CNTNAP2: variants seen among roughly 807,000 people sequenced by gnomAD.
CNTNAP2 encodes the protein contactin associated protein 2, also known as contactin-associated protein-like 2.
A neutral mutation model predicts 155.2 loss-of-function variants in CNTNAP2; 98 were observed. That is an observed-to-expected ratio of 0.63 (90% CI 0.54 to 0.75). The LOEUF (loss-of-function observed/expected upper bound fraction) is 0.75, where lower values mean the gene tolerates loss of function less well. Ranked by LOEUF, CNTNAP2 falls within the 30% of genes least tolerant of loss-of-function variation. The probability of loss-of-function intolerance (pLI) is 0.00; values close to 1 mark genes in which losing one functional copy is unlikely to be tolerated. For missense variants in CNTNAP2, 1,727 were observed against 1,688.1 expected, an observed-to-expected ratio of 1.02 and a Z score of -0.40; for synonymous variants, 651 against 631.2, an observed-to-expected ratio of 1.03 and a Z score of -0.47.
At chr7:146,896,157 C>A (rs1255084347) in intron 3 of CNTNAP2, among the ~76,000 whole-genome samples, 4 of 152,034 alleles carry the variant, frequency 2.6e-5, no homozygotes, top group African/African-American at 7.2e-5. Context: ...GATGCAGAAT[C>A]ACATGAATCC....
chr7:147,883,293 A>G (rs759332801), intron 13 of CNTNAP2, among the ~76,000 whole-genome samples: 1 of 152,198 alleles, frequency 6.6e-6, no homozygotes, highest in Non-Finnish European at 1.5e-5. Context: ...TGTCAAAACA[A>G]GTCCCTGGTT....
intron 10 of CNTNAP2, among the ~76,000 whole-genome samples, chr7:147,469,180 G>T (rs776676236): frequency 1.1e-4 from 16 of 151,994 alleles, no homozygotes; most frequent in Non-Finnish European, 2.2e-4. Context: ...AAAACATGAA[G>T]CTCCTTTGCA....
intron 12 of CNTNAP2, among the ~76,000 whole-genome samples, chr7:147,614,897 T>C (rs549484016): frequency 6.6e-6 from 1 of 151,804 alleles, no homozygotes; most frequent in East Asian, 1.9e-4. Flanking sequence ...TTTTTAACAT[T>C]AAACTATCTT....
chr7:147,004,521 C>T (rs757996010), intron 3 of CNTNAP2, among the ~76,000 whole-genome samples: 9 of 151,814 alleles, frequency 5.9e-5, no homozygotes, highest in African/African-American at 1.9e-4. Flanking sequence ...TATAAATTTC[C>T]GGAATACCAA....
At chr7:146,565,380 A>G (rs149216753) in intron 1 of CNTNAP2, among the ~76,000 whole-genome samples, 7 of 152,192 alleles carry the variant, frequency 4.6e-5, no homozygotes, top group Non-Finnish European at 7.4e-5. Flanking sequence ...AAGTATATTC[A>G]TAGCCATTTT....
At chr7:148,222,598 A>T (rs1018661110) in intron 19 of CNTNAP2, among the ~76,000 whole-genome samples, 3 of 73,896 alleles carry the variant, frequency 4.1e-5, no homozygotes. Flanking sequence ...ATGAGGACAG[A>T]GTCCTCATGA....
chr7:146,505,022 A>G (rs1257900229), intron 1 of CNTNAP2, among the ~76,000 whole-genome samples: 1 of 152,176 alleles, frequency 6.6e-6, no homozygotes, highest in Non-Finnish European at 1.5e-5. Flanking sequence ...GTGTTCTCCC[A>G]CTAACGAGCC....
chr7:146,867,084 A>T (rs1283516441), intron 3 of CNTNAP2, among the ~76,000 whole-genome samples: 1 of 152,106 alleles, frequency 6.6e-6, no homozygotes, highest in Non-Finnish European at 1.5e-5. Flanking sequence ...CACGTGTCAC[A>T]GGGGTTTGCT....
At chr7:147,201,029 G>A (rs1422963638) in intron 8 of CNTNAP2, among the ~76,000 whole-genome samples, 1 of 152,108 alleles carries the variant, frequency 6.6e-6, no homozygotes, top group African/African-American at 2.4e-5. Flanking sequence ...AGAAACACTG[G>A]CTTAATCACC....
At chr7:147,821,412 C>T (rs961454216) in intron 13 of CNTNAP2, among the ~76,000 whole-genome samples, 1 of 152,042 alleles carries the variant, frequency 6.6e-6, no homozygotes. Flanking sequence ...ATACAGAAGG[C>T]AACAAGACTG....
chr7:148,389,145 C>T (rs1259487905), intron 22 of CNTNAP2, among the ~76,000 whole-genome samples: 2 of 152,180 alleles, frequency 1.3e-5, no homozygotes, highest in African/African-American at 2.4e-5. Context: ...CCTATTCAGC[C>T]ATCTTGGCTC....
intron 3 of CNTNAP2, among the ~76,000 whole-genome samples, chr7:146,892,937 A>G (rs1795809151): frequency 6.6e-6 from 1 of 152,188 alleles, no homozygotes; most frequent in African/African-American, 2.4e-5. Context: ...TTAAATCTCT[A>G]TATGCAGAGA....
intron 1 of CNTNAP2, among the ~76,000 whole-genome samples, chr7:146,638,018 G>A (rs1285337036): frequency 1.3e-5 from 2 of 152,090 alleles, no homozygotes; most frequent in African/African-American, 4.8e-5. Flanking sequence ...AGTCATATGT[G>A]CACCTGTTGC....
chr7:147,070,766 C>G (rs16883263), intron 4 of CNTNAP2, among the ~76,000 whole-genome samples: 12,493 of 152,194 alleles, frequency 0.082, 1,383 homozygotes, highest in African/African-American at 0.25. Context: ...CTTTAACTAG[C>G]TTTCACAAAT....
At chr7:147,567,788 TA>T (rs200558604) in intron 12 of CNTNAP2, among the ~76,000 whole-genome samples, 29 of 149,932 alleles carry the variant, frequency 1.9e-4, no homozygotes, top group African/African-American at 6.3e-4. Flanking sequence ...TTGAACACAT[TA>T]AAAAAAAAAT....
intron 4 of CNTNAP2, among the ~76,000 whole-genome samples, chr7:147,073,303 G>T (rs537561625): frequency 1.9e-3 from 212 of 109,670 alleles, no homozygotes; most frequent in Non-Finnish European, 3.4e-3. Flanking sequence ...GTAAACTAAT[G>T]CAGGAATGTA....
intron 1 of CNTNAP2, among the ~76,000 whole-genome samples, chr7:146,727,486 G>A (rs573100346): frequency 6.6e-6 from 1 of 152,232 alleles, no homozygotes; most frequent in East Asian, 1.9e-4. Flanking sequence ...TCCAGAAGAT[G>A]GTGAGATGAC....
chr7:146,204,503 T>C (rs1367370771), intron 1 of CNTNAP2, among the ~76,000 whole-genome samples: 1 of 152,114 alleles, frequency 6.6e-6, no homozygotes, highest in Non-Finnish European at 1.5e-5. Context: ...ACATGCCTAG[T>C]TTACAAACAG....
chr7:148,370,151 T>C (rs1303688292), intron 21 of CNTNAP2, among the ~76,000 whole-genome samples: 2 of 152,186 alleles, frequency 1.3e-5, no homozygotes, highest in Non-Finnish European at 2.9e-5. Context: ...CCTCGGAGGA[T>C]ACACTGCACC....
Sources: gnomAD v4.1 joint callset for allele counts (sites outside exome capture counted in the v4.1 genomes callset) on GRCh38, gnomAD v4.1.1 for gene constraint, MANE v1.5 for transcripts, NCBI Gene and HGNC (gene_info 2026-07-23, HGNC 2026-07-21) for gene names.